The following XPNPEP1 variants were observed in gnomAD, a reference collection of about 807,000 sequenced individuals.
XPNPEP1 encodes xaa-Pro aminopeptidase 1.
In XPNPEP1, 39 loss-of-function variants were observed where a neutral mutation model predicts 92.4. That is an observed-to-expected ratio of 0.42 (90% CI 0.33 to 0.55). The LOEUF is 0.55. Ranked by LOEUF, XPNPEP1 falls within the 20% of genes least tolerant of loss-of-function variation. The pLI is 0.08. For synonymous variants in XPNPEP1, 307 were observed against 299.4 expected (o/e 1.03, Z -0.26); for missense variants, 654 against 856.1 (o/e 0.76, Z 2.95).
intron 11 of XPNPEP1, 83 bp downstream of exon 11, chr10:109,880,759 G>T: frequency 7.3e-7 from 1 of 1,367,796 alleles, no homozygotes; most frequent in Admixed American, 2.0e-5. Flanking sequence ...CCTTGTGCCA[G>T]GCTCAATGCC....
At chr10:109,877,894 T>G (rs368555577) in intron 13 of XPNPEP1, 27 bp from the exon 14 acceptor site, 1 of 1,613,932 alleles carries the variant, frequency 6.2e-7, no homozygotes, top group Non-Finnish European at 8.5e-7. Context: ...GAAAGCAGAG[T>G]GGCTTAAAGG....
In XPNPEP1 at chr10:109,886,201, G is replaced by A. The variant is rs766068901; in HGVS notation, c.748+45C>T. 4 of 1,585,410 alleles carry A rather than the reference G, an allele frequency of 2.5e-6. No individual in the cohort carries two copies. The African/African-American group carries it at 4.0e-5, about 16-fold the overall frequency. Reference sequence around the variant, plus strand: ...CACACAGATACCCAGAGACCCAAAGGAGAGATCGGGTAACATGCCCAAACA... The same window carrying A: ...CACACAGATACCCAGAGACCCAAAGAAGAGATCGGGTAACATGCCCAAACA... On this transcript the variant is annotated intron_variant, in intron 8 of 20. Transcript: ENST00000502935.
intron 20 of XPNPEP1, among the ~76,000 whole-genome samples, chr10:109,868,163 G>T (rs539491725): frequency 1.3e-5 from 2 of 152,110 alleles, no homozygotes; most frequent in Non-Finnish European, 2.9e-5. Flanking sequence ...CAGGACATAC[G>T]ATAATAGATT....
Position 109,867,927 on chromosome 10 carries a change from C to T in XPNPEP1, c.1872+687G>A, listed in dbSNP as rs1847228780. Among the ~76,000 whole-genome samples the T allele has an allele frequency of 6.6e-6, 1 of 152,176 alleles. No homozygotes were observed. Among genetic ancestry groups the T allele is most frequent in the Admixed American group, 6.5e-5 (1 of 15,278 alleles). ...TTCTGACCCTTGTTTCTGCTCTGACCTTGAACATCTGTGTGATTCTTCAGG... is the reference window on the plus strand; with the variant it reads ...TTCTGACCCTTGTTTCTGCTCTGACTTTGAACATCTGTGTGATTCTTCAGG... On this transcript the variant is annotated intron_variant, in intron 20 of 20. Transcript: ENST00000502935. The surrounding 1 kb of genome is among the most constrained non-coding windows in gnomAD (Gnocchi z 4.5).
intron 1 of XPNPEP1, among the ~76,000 whole-genome samples, chr10:109,921,030 G>A (rs971860573): frequency 1.3e-5 from 2 of 152,192 alleles, no homozygotes; most frequent in Non-Finnish European, 2.9e-5. Context: ...CAGGAGCTAC[G>A]AAGCAGCTCA....
At chr10:109,885,599 T>A (rs1485689908) in intron 8 of XPNPEP1, among the ~76,000 whole-genome samples, 1 of 152,136 alleles carries the variant, frequency 6.6e-6, no homozygotes, top group Non-Finnish European at 1.5e-5. Context: ...TGCAGTAGGG[T>A]CTCATTCTCT....
intron 11 of XPNPEP1, 92 bp from the exon 12 acceptor site, chr10:109,880,330 G>C: frequency 7.7e-7 from 1 of 1,299,192 alleles, no homozygotes; most frequent in Non-Finnish European, 1.1e-6. Context: ...TGAGAAGGCT[G>C]TACCTGCAGG....
At chr10:109,902,836 A>C (rs1849357384) in intron 3 of XPNPEP1, among the ~76,000 whole-genome samples, 1 of 152,220 alleles carries the variant, frequency 6.6e-6, no homozygotes, top group East Asian at 1.9e-4. Flanking sequence ...TGGAGGGAAA[A>C]GCCATCTAAT....
chr10:109,865,329 G>T lies in XPNPEP1; in HGVS notation c.1873-17C>A. ...CCAGTCGCACTGCAGGGAAGAGAAGGACAGACACGGTATTCACCACTACAT... is the reference window on the plus strand; with the variant it reads ...CCAGTCGCACTGCAGGGAAGAGAAGTACAGACACGGTATTCACCACTACAT... On this transcript the variant is annotated splice_polypyrimidine_tract_variant and intron_variant, in intron 20 of 20. Transcript: ENST00000502935. The T allele has an allele frequency of 6.2e-7, 1 of 1,613,964 alleles. No homozygotes were observed. The highest frequency in any genetic ancestry group is 8.5e-7 in the Non-Finnish European group (1 of 1,179,998).
chr10:109,907,583 G>A lies in XPNPEP1; in HGVS notation c.246+108C>T, dbSNP rs918786663. On this transcript the variant is annotated intron_variant, in intron 3 of 20. Coordinates refer to ENST00000502935, the MANE Select transcript of XPNPEP1 (RefSeq NM_020383.4). ...AGATCCCCATAGCAAGCCCTGGAAG[G>A]GCTTGGTTGTGGCCCTGGTTGTGGG... 11 of 1,531,440 alleles carry A rather than the reference G, an allele frequency of 7.2e-6. No homozygotes were observed. The African/African-American group carries it at 9.6e-5, about 13-fold the overall frequency. 94.9% of individuals were successfully genotyped at this position (1,531,440 alleles called of 1,614,324 possible).
At chr10:109,915,993 T>G (rs1589637458) in intron 1 of XPNPEP1, among the ~76,000 whole-genome samples, 1 of 152,228 alleles carries the variant, frequency 6.6e-6, no homozygotes, top group East Asian at 1.9e-4. Context: ...ACAGACAAGA[T>G]CTCTGACTTT....
At position 109,870,896 on chromosome 10, in the gene XPNPEP1, G is replaced by C. The variant is rs1396793831; in HGVS notation, c.1531C>G (p.Leu511Val). Residue 511 changes from leucine (L) to valine (V), a missense_variant, in exon 18 of 21, where the codon CTT (leucine) becomes GTT (valine). Leu to Val is a conservative substitution (Grantham distance 32, BLOSUM62 1). Coordinates refer to ENST00000502935, the MANE Select transcript of XPNPEP1 (RefSeq NM_020383.4). ...VFPTGTKGHL[L>V]DSFARSALWD... ...AAAGCTGAACGGGCAAAGGAGTCAA[G>C]AAGGTGACCTGAAAGACATAAAGAG... The C allele has an allele frequency of 6.2e-7, 1 of 1,613,678 alleles. No homozygotes were observed.
chr10:109,890,581 TGTGTGTGTGTGTGA>T (rs1425722407), intron 5 of XPNPEP1, among the ~76,000 whole-genome samples: 1 of 91,198 alleles, frequency 1.1e-5, no homozygotes, highest in African/African-American at 4.7e-5. Context: ...TGTGTGTGTG[TGTGTGTGTGTGTGA>T]GAGAGAGAGA....
intron 1 of XPNPEP1, 167 bp from the exon 2 acceptor site, chr10:109,915,266 C>T (rs544580251): frequency 4.9e-6 from 2 of 407,974 alleles, no homozygotes; most frequent in Non-Finnish European, 8.7e-6. Context: ...GTAAAACTTG[C>T]AGGTGTAAAA....
intron 3 of XPNPEP1, among the ~76,000 whole-genome samples, chr10:109,906,219 C>T (rs1441936718): frequency 6.6e-6 from 1 of 152,206 alleles, no homozygotes; most frequent in Non-Finnish European, 1.5e-5. Flanking sequence ...CACACGTGCA[C>T]ACACACAGAG....
intron 3 of XPNPEP1, among the ~76,000 whole-genome samples, chr10:109,905,022 A>G (rs1849481021): frequency 6.6e-6 from 1 of 152,146 alleles, no homozygotes; most frequent in Non-Finnish European, 1.5e-5. Context: ...ATGACCATCC[A>G]CAGATGAACA....
intron 8 of XPNPEP1, 74 bp downstream of exon 8, chr10:109,886,172 T>G (rs1293277570): frequency 1.3e-6 from 2 of 1,486,840 alleles, no homozygotes; most frequent in South Asian, 1.2e-5. Context: ...TTGAATGGCA[T>G]GAACACACAG....
At chr10:109,892,644 G>C (rs183436960) in intron 4 of XPNPEP1, 1 of 194,186 alleles carries the variant, frequency 5.1e-6, no homozygotes, top group Non-Finnish European at 1.1e-5. Context: ...TAAGCTAAGA[G>C]AGGAGGTTCT....
chr10:109,906,951 T>C (rs1345037500), intron 3 of XPNPEP1, among the ~76,000 whole-genome samples: 1 of 152,192 alleles, frequency 6.6e-6, no homozygotes. Flanking sequence ...TTGATCACAC[T>C]TACCACATTT....
Sources: allele counts gnomAD v4.1 joint callset (sites outside exome capture counted in the v4.1 genomes callset), GRCh38; gene constraint gnomAD v4.1.1; non-coding constraint Gnocchi (gnomAD v3.1); transcripts MANE v1.5; gene names NCBI Gene and HGNC (gene_info 2026-07-23, HGNC 2026-07-21).